DAB1: variants seen among roughly 807,000 people sequenced by gnomAD.
DAB1 encodes disabled homolog 1.
DAB1 carries 15 observed loss-of-function variants against 64.6 expected under a neutral mutation model. The ratio of observed to expected loss-of-function variants is 0.23; its 90% CI spans 0.16 to 0.36. The LOEUF (loss-of-function observed/expected upper bound fraction) is 0.36, where lower values mean the gene tolerates loss of function less well. DAB1 is among the 10% of genes least tolerant of loss of function. DAB1 has a pLI of 1.00. For synonymous variants in DAB1, 235 were observed against 251.9 expected, an observed-to-expected ratio of 0.93 and a Z score of 0.64; for missense variants, 596 against 706.7, an observed-to-expected ratio of 0.84 and a Z score of 1.78.
At chr1:57,496,043 T>C (rs1644226122) in intron 7 of DAB1, among the ~76,000 whole-genome samples, 1 of 152,236 alleles carries the variant, frequency 6.6e-6, no homozygotes, top group South Asian at 2.1e-4. Flanking sequence ...TACTGTTCCA[T>C]GATGAACTCT....
chr1:57,961,972 C>CA (rs35916541), intron 5 of DAB1, among the ~76,000 whole-genome samples: 57,518 of 140,742 alleles, frequency 0.41, 12,377 homozygotes, highest in Admixed American at 0.52. Flanking sequence ...AACTCTGTCT[C>CA]AAAAAAAAAA....
intron 2 of DAB1, among the ~76,000 whole-genome samples, chr1:57,188,246 AT>A (rs1663789891): frequency 6.6e-6 from 1 of 152,176 alleles, no homozygotes; most frequent in African/African-American, 2.4e-5. Flanking sequence ...AAGTTGTCCC[AT>A]TGATAACTCA....
intron 4 of DAB1, among the ~76,000 whole-genome samples, chr1:58,185,427 G>A (rs1489603132): frequency 6.6e-6 from 1 of 152,112 alleles, no homozygotes; most frequent in East Asian, 1.9e-4. Context: ...GTCAAGTTGT[G>A]GTCACTCAGA....
intron 7 of DAB1, among the ~76,000 whole-genome samples, chr1:57,467,020 C>T (rs574620046): frequency 4.6e-5 from 7 of 152,224 alleles, no homozygotes; most frequent in South Asian, 2.1e-4. Context: ...ATCACAAGAG[C>T]GATAGCTTAT....
rs1434254962 is a variant in DAB1, at chr1:57,364,868, T to TAG, written c.-137+59061_-137+59062insCT. 2.1e-4 allele frequency among the ~76,000 whole-genome samples: 31 copies of TAG among 148,056 alleles called. 1 individual carries two copies. The highest frequency in any genetic ancestry group is 1.1e-3 in the South Asian group (5 of 4,750). ...ATATATATATATGTATATATATATA[T>TAG]ATAGAGAGAGAAAGACCTTAAGGAA... On this transcript the variant is annotated intron_variant, in intron 1 of 14. Coordinates refer to ENST00000371236, the MANE Select transcript of DAB1 (RefSeq NM_001365792.1).
chr1:57,103,945 C>A (rs770790789), intron 4 of DAB1, among the ~76,000 whole-genome samples: 2 of 152,008 alleles, frequency 1.3e-5, no homozygotes, highest in Non-Finnish European at 2.9e-5. Context: ...AGAGGTATGG[C>A]AGATTTATCA....
chr1:57,105,012 C>T (rs1227848877), intron 4 of DAB1, among the ~76,000 whole-genome samples: 1 of 152,102 alleles, frequency 6.6e-6, no homozygotes, highest in East Asian at 1.9e-4. Context: ...TTGCAGTAAA[C>T]TCCAACATTT....
Position 57,606,568 on chromosome 1 carries a change from A to T in DAB1, n.625+43024T>A, listed in dbSNP as rs1433951774. On this transcript the variant is annotated intron_variant and non_coding_transcript_variant, in intron 7 of 20. Coordinates refer to the DAB1 transcript ENST00000485760. ...TATAATATAATATATTATATATTATATATGAAATATATAATATAATATATT... is the reference window on the plus strand; with the variant it reads ...TATAATATAATATATTATATATTATTTATGAAATATATAATATAATATATT... Among the ~76,000 whole-genome samples, 11 of 114,030 alleles carry T rather than the reference A, an allele frequency of 9.6e-5. 2 individuals carry two copies. The Admixed American group carries it at 1.2e-3, about 12-fold the overall frequency. 74.8% of individuals were successfully genotyped at this position (114,030 alleles called of 152,430 possible).
intron 2 of DAB1, among the ~76,000 whole-genome samples, chr1:57,206,016 G>C (rs1459850584): frequency 3.3e-5 from 5 of 152,152 alleles, no homozygotes; most frequent in Non-Finnish European, 7.4e-5. Context: ...TAAAGTCAAT[G>C]AAAAATAATG....
intron 3 of DAB1, among the ~76,000 whole-genome samples, chr1:58,443,722 C>A (rs1284109972): frequency 1.3e-5 from 2 of 152,112 alleles, no homozygotes; most frequent in African/African-American, 2.4e-5. Flanking sequence ...TTATAAAGAG[C>A]AAAGTATAAA....
intron 5 of DAB1, among the ~76,000 whole-genome samples, chr1:58,041,529 G>T (rs1647136395): frequency 6.6e-6 from 1 of 152,162 alleles, no homozygotes; most frequent in Admixed American, 6.5e-5. Context: ...TACCATCCCT[G>T]TGTTACAGTT....
intron 1 of DAB1, chr1:58,546,623 C>G (rs972999631): frequency 6.5e-6 from 1 of 152,978 alleles, no homozygotes; most frequent in South Asian, 2.1e-4. Flanking sequence ...CGCCCCCTCC[C>G]CACTGCCGCA....
intron 2 of DAB1, 83 bp downstream of exon 2, chr1:57,290,881 T>C (rs1293547152): frequency 1.3e-6 from 1 of 772,984 alleles, no homozygotes; most frequent in East Asian, 2.7e-5. Flanking sequence ...CATAAAGATA[T>C]TTCTTTATAT....
chr1:57,846,453 AT>A (rs1222564479), intron 1 of DAB1, among the ~76,000 whole-genome samples: 1 of 121,134 alleles, frequency 8.3e-6, no homozygotes, highest in African/African-American at 2.9e-5. Context: ...GCAAGACTCC[AT>A]CAAAAAAAAA....
chr1:57,318,309 A>C lies in DAB1; in HGVS notation c.-136-27143T>G, dbSNP rs149403361. 5.3e-3 allele frequency among the ~76,000 whole-genome samples: 808 copies of C among 152,320 alleles called. 9 individuals carry two copies. The highest frequency in any genetic ancestry group is 0.018 in the African/African-American group (741 of 41,582). On this transcript the variant is annotated intron_variant, in intron 1 of 14. Coordinates refer to ENST00000371236, the MANE Select transcript of DAB1 (RefSeq NM_001365792.1). Reference sequence around the variant, plus strand: ...GGTAAAGAAAATCCTCCAGAAAAAGAAAATTGGTTGTTTCTTTCTAAAGAA... The same window carrying C: ...GGTAAAGAAAATCCTCCAGAAAAAGCAAATTGGTTGTTTCTTTCTAAAGAA...
intron 5 of DAB1, among the ~76,000 whole-genome samples, chr1:58,050,782 G>A (rs1010011635): frequency 1.3e-5 from 2 of 152,094 alleles, no homozygotes; most frequent in Non-Finnish European, 2.9e-5. Flanking sequence ...GCCCGCCTCG[G>A]CCTCCCAAAG....
chr1:58,062,622 T>C (rs1177642458), intron 5 of DAB1, among the ~76,000 whole-genome samples: 1 of 152,318 alleles, frequency 6.6e-6, no homozygotes, highest in Non-Finnish European at 1.5e-5. Context: ...CTCCCCAGGT[T>C]CTGTTCCTGG....
intron 5 of DAB1, among the ~76,000 whole-genome samples, chr1:57,986,271 G>A (rs1646216155): frequency 6.6e-6 from 1 of 152,170 alleles, no homozygotes; most frequent in Non-Finnish European, 1.5e-5. Flanking sequence ...ATTGGAGGAG[G>A]TGGGGCCTTT....
chr1:57,606,785 C>CATATAT lies in DAB1; in HGVS notation n.625+42801_625+42806dup, dbSNP rs1458949331. ...ATATTATATATAAATATATTTTATA[C>CATATAT]ATATATATATAGAGAGAGAGAGAGA... On this transcript the variant is annotated intron_variant and non_coding_transcript_variant, in intron 7 of 20. Transcript: ENST00000485760. Among the ~76,000 whole-genome samples the CATATAT allele has an allele frequency of 6.7e-3, 594 of 89,264 alleles. 2 individuals are homozygous for CATATAT. The highest frequency in any genetic ancestry group is 0.02 in the Middle Eastern group (3 of 152). 58.6% of individuals were successfully genotyped at this position (89,264 alleles called of 152,430 possible). A position where few individuals can be genotyped will look rare whatever the true frequency, so the allele number is the denominator to read the frequency against.
Sources: allele counts gnomAD v4.1 joint callset (sites outside exome capture counted in the v4.1 genomes callset), GRCh38; gene constraint gnomAD v4.1.1; transcripts MANE v1.5; gene names NCBI Gene and HGNC (gene_info 2026-07-23, HGNC 2026-07-21).